Variants in CACNA2D4 observed in about 807,000 individuals in gnomAD.
CACNA2D4 encodes the protein calcium voltage-gated channel auxiliary subunit alpha2delta 4.
Under a neutral mutation model 163.8 loss-of-function variants are expected in CACNA2D4, and 157 were observed. That is an observed-to-expected ratio of 0.96 (90% confidence interval 0.84 to 1.09). The LOEUF (loss-of-function observed/expected upper bound fraction) is 1.09. CACNA2D4 is among the 50% of genes least tolerant of loss of function. The pLI is 0.00. For synonymous variants in CACNA2D4, 598 were observed against 586.9 expected (o/e 1.02, Z -0.27); for missense variants, 1,410 against 1,479.9 (o/e 0.95, Z 0.78).
chr12:1,884,631 A>T, intron 11 of CACNA2D4, 137 bp downstream of exon 11: 1 of 660,520 alleles, frequency 1.5e-6, no homozygotes. Flanking sequence ...CTCAATTAAA[A>T]TGCATCTGAA....
Position 1,907,535 on chromosome 12 carries a change from G to C in CACNA2D4, c.686C>G (p.Ala229Gly). Residue 229 changes from alanine (A) to glycine (G), a missense_variant, in exon 6 of 38, where the codon GCC becomes GGC. Ala to Gly is a moderately conservative substitution (Grantham distance 60). Transcript: ENST00000382722. ...GTTCTCCACGAAGACAGCATTCAAG[G>C]CTTCAGACATGTAGACTCCATTTAA... ...DILNGVYMSE[A>G]LNAVFVENFQ... is the part of the protein sequence containing the mutation. The C allele has an allele frequency of 1.2e-6, 2 of 1,613,200 alleles. No individual in the cohort carries two copies. Among genetic ancestry groups the C allele is most frequent in the Non-Finnish European group, 1.7e-6 (2 of 1,179,242 alleles).
rs372860550 is a variant in CACNA2D4, at chr12:1,795,802, G to A, written c.3114-22C>T. ...TACCCTGCAGCAAAGAAAGGGAGTC[G>A]AGGATGGCTCCGTGGCGACCACGAG... On this transcript the variant is annotated intron_variant, in intron 35 of 37. Coordinates refer to ENST00000382722, the MANE Select transcript of CACNA2D4 (RefSeq NM_172364.5). 8.0e-5 allele frequency: 118 copies of A among 1,476,348 alleles called. No homozygotes were observed. In the African/African-American group the frequency reaches 1.4e-3, roughly 18 times the overall value. The allele number at this position is 1,476,348 out of a possible 1,614,324, so 91.5% of individuals were successfully genotyped here.
At chr12:1,873,725 T>G (rs570582831) in intron 18 of CACNA2D4, among the ~76,000 whole-genome samples, 10 of 152,314 alleles carry the variant, frequency 6.6e-5, no homozygotes, top group African/African-American at 2.2e-4. Flanking sequence ...CTGCCACTGG[T>G]GGTCTGACCT....
At chr12:1,795,863 G>C in intron 35 of CACNA2D4, 83 bp from the exon 36 acceptor site, 2 of 917,644 alleles carry the variant, frequency 2.2e-6, no homozygotes, top group Non-Finnish European at 3.6e-6. Context: ...GGAGACTTTA[G>C]TGTGGAGTTA....
chr12:1,887,189 A>T, intron 6 of CACNA2D4, 120 bp from the exon 7 acceptor site: 1 of 698,632 alleles, frequency 1.4e-6, no homozygotes, highest in African/African-American at 1.8e-5. Context: ...GGAGCTAGGG[A>T]ACAGGGTGGG....
In CACNA2D4 at chr12:1,878,468, C is replaced by T; in HGVS notation, c.1645-79G>A. 1 of 1,551,374 alleles carries T rather than the reference C, an allele frequency of 6.4e-7. No homozygotes were observed. On this transcript the variant is annotated intron_variant, in intron 15 of 37. Coordinates refer to ENST00000382722, the MANE Select transcript of CACNA2D4 (RefSeq NM_172364.5). This position sits in a 1 kb window ranked among gnomAD's most constrained non-coding sequence, Gnocchi z 4.6. ...TGGAGTTGGGCAGGGGTTTGGGGGC[C>T]ACAGGACGGTCAAAGATGGCAGCTC...
intron 24 of CACNA2D4, 101 bp downstream of exon 24, chr12:1,846,493 G>T: frequency 1.1e-6 from 1 of 915,648 alleles, no homozygotes; most frequent in Non-Finnish European, 1.7e-6. Context: ...GCATGCTGGA[G>T]ACCCGGTGCC....
Position 1,797,777 on chromosome 12 carries a change from G to A in CACNA2D4, c.2996-242C>T, listed in dbSNP as rs1219059790. The A allele has an allele frequency of 3.8e-5, 22 of 571,668 alleles. No individual in the cohort carries two copies. The East Asian group carries it at 6.3e-4, about 16-fold the overall frequency. 35.4% of individuals were successfully genotyped at this position (571,668 alleles called of 1,614,324 possible). A position where few individuals can be genotyped will look rare whatever the true frequency, so the allele number is the denominator to read the frequency against. On this transcript the variant is annotated intron_variant, in intron 34 of 37. Transcript: ENST00000382722. ...GCAGGGGCCCTGAGCCTCGGTGGAGGGAAAGCGCTTCCTCTGGGGAGCCTG... is the reference window on the plus strand; with the variant it reads ...GCAGGGGCCCTGAGCCTCGGTGGAGAGAAAGCGCTTCCTCTGGGGAGCCTG...
rs2154453730 is a variant in CACNA2D4 at position 1,917,358 on chromosome 12, A to G, written c.227+889T>C. 6.6e-6 allele frequency among the ~76,000 whole-genome samples: 1 copy of G among 152,324 alleles called. No homozygotes were observed. The highest frequency in any genetic ancestry group is 1.9e-4 in the East Asian group (1 of 5,190). ...TGCTGCCTAATCCACTGGTCAGCAA[A>G]GGCTAAGCACAGGCACGGTGTGTCA... On this transcript the variant is annotated intron_variant, in intron 1 of 37. Coordinates refer to ENST00000382722, the MANE Select transcript of CACNA2D4 (RefSeq NM_172364.5). This position sits in a 1 kb window ranked among gnomAD's most constrained non-coding sequence, Gnocchi z 4.3.
intron 29 of CACNA2D4, among the ~76,000 whole-genome samples, chr12:1,804,829 G>A (rs1863474727): frequency 6.6e-6 from 1 of 152,226 alleles, no homozygotes; most frequent in African/African-American, 2.4e-5. Context: ...GGACAGGCTG[G>A]GCCCAGGCTG....
chr12:1,897,013 A>T (rs562901550), intron 6 of CACNA2D4, among the ~76,000 whole-genome samples: 6 of 152,214 alleles, frequency 3.9e-5, no homozygotes, highest in Non-Finnish European at 5.9e-5. Flanking sequence ...GGAGGGTGTT[A>T]AGTGAAACAA....
intron 3 of CACNA2D4, among the ~76,000 whole-genome samples, chr12:1,910,644 G>A (rs1016359979): frequency 6.6e-6 from 1 of 152,212 alleles, no homozygotes; most frequent in African/African-American, 2.4e-5. Context: ...TGTGGGCTAT[G>A]CACACAATGG....
Position 1,809,576 on chromosome 12 carries a change from A to C in CACNA2D4, c.2721+702T>G, listed in dbSNP as rs1217382158. ...CTCAGTTTGATTCCTGGCTAAAGGA[A>C]TAATCCATTTTGAGGCCCCTTTTGG... On this transcript the variant is annotated intron_variant, in intron 29 of 37. Transcript: ENST00000382722. The C allele has an allele frequency of 5.7e-6, 4 of 702,352 alleles. No homozygotes were observed. The East Asian group carries it at 8.0e-5, about 14-fold the overall frequency. 43.5% of individuals were successfully genotyped at this position (702,352 alleles called of 1,614,324 possible).
At chr12:1,810,507 T>A in intron 28 of CACNA2D4, 36 bp downstream of exon 28, 2 of 1,548,312 alleles carry the variant, frequency 1.3e-6, no homozygotes, top group African/African-American at 2.7e-5. Context: ...GGGCCATGGC[T>A]CCCTCCTCCA....
chr12:1,860,032 C>G, intron 19 of CACNA2D4, 113 bp downstream of exon 19: 1 of 827,092 alleles, frequency 1.2e-6, no homozygotes, highest in Non-Finnish European at 2.0e-6. Context: ...CCTCAAGTTT[C>G]CTGGATGCTG....
At position 1,904,361 on chromosome 12, in the gene CACNA2D4, A is replaced by G. The variant is rs1354261447; in HGVS notation, c.781+3079T>C. Among the ~76,000 whole-genome samples the G allele has an allele frequency of 2.7e-5, 4 of 150,910 alleles. No individual in the cohort carries two copies. In the East Asian group the frequency reaches 7.8e-4, roughly 29 times the overall value. ...TTTAATTTTACATTTTAAAATAACT[A>G]AAAGAGTATAATTGGATTGTTTGTA... is the stretch of plus-strand genomic sequence containing the variant. On this transcript the variant is annotated intron_variant, in intron 6 of 37. Coordinates refer to ENST00000382722, the MANE Select transcript of CACNA2D4 (RefSeq NM_172364.5).
chr12:1,890,896 C>A (rs1442979089), intron 6 of CACNA2D4, among the ~76,000 whole-genome samples: 1 of 152,204 alleles, frequency 6.6e-6, no homozygotes, highest in Non-Finnish European at 1.5e-5. Flanking sequence ...CCATAGGTTG[C>A]ACCCACCCTT....
At chr12:1,915,180 C>T in intron 1 of CACNA2D4, 1 of 702,694 alleles carries the variant, frequency 1.4e-6, no homozygotes, top group Non-Finnish European at 2.6e-6. Context: ...CCCAGAAACA[C>T]ACAAAAGAGC....
chr12:1,830,854 G>A, intron 26 of CACNA2D4: 3 of 1,188,796 alleles, frequency 2.5e-6, no homozygotes, highest in East Asian at 2.6e-5. Context: ...AGCCTGTTAT[G>A]AGCTAGAAAG....
Sources: allele counts gnomAD v4.1 joint callset (sites outside exome capture counted in the v4.1 genomes callset), GRCh38; gene constraint gnomAD v4.1.1; non-coding constraint Gnocchi (gnomAD v3.1); transcripts MANE v1.5; gene names NCBI Gene and HGNC (gene_info 2026-07-23, HGNC 2026-07-21).